CPHXL: variants seen among roughly 807,000 people sequenced by gnomAD.
CPHXL encodes cytoplasmic polyadenylated homeobox-like protein.
At chr16:75,723,398 C>A (rs1486091791) in intron 1 of CPHXL, among the ~76,000 whole-genome samples, 2 of 152,196 alleles carry the variant, frequency 1.3e-5, no homozygotes, top group Admixed American at 1.3e-4. Flanking sequence ...GCAACTTCAG[C>A]AAAGTCTCAG....
At chr16:75,721,881 G>A (rs1478970185) in intron 1 of CPHXL, among the ~76,000 whole-genome samples, 3 of 152,132 alleles carry the variant, frequency 2.0e-5, no homozygotes, top group African/African-American at 7.2e-5. Context: ...AAATGTGAAA[G>A]AACAGAAATT....
In CPHXL at chr16:75,714,229, G is replaced by T; in HGVS notation, c.1213C>A (p.Leu405Ile). ...ACCCTTGTCCACTCTTCAACTTAAA[G>T]TTGCTGCATTTGGGTCCTGGGTTGC... is the stretch of plus-strand genomic sequence containing the variant. ...SEQPRTQMQQ[L>I] The change falls in exon 3 of 3, where the codon CTT becomes ATT. Residue 405 changes from leucine to isoleucine, a missense_variant. By Grantham distance (5) the Leu-to-Ile change is conservative. Coordinates refer to ENST00000640559, the MANE Select transcript of CPHXL (RefSeq NM_001355613.1). The T allele has an allele frequency of 2.5e-6, 1 of 398,658 alleles. No individual in the cohort carries two copies. The highest frequency in any genetic ancestry group is 4.4e-6 in the Non-Finnish European group (1 of 226,118). The allele number at this position is 398,658 out of a possible 1,614,324, so 24.7% of individuals were successfully genotyped here.
intron 1 of CPHXL, among the ~76,000 whole-genome samples, chr16:75,723,375 C>T (rs1959505499): frequency 6.6e-6 from 1 of 152,006 alleles, no homozygotes; most frequent in African/African-American, 2.4e-5. Context: ...CCAAAATCTC[C>T]TTAAGCTGAT....
chr16:75,718,898 G>A (rs1182179027), intron 1 of CPHXL, among the ~76,000 whole-genome samples: 4 of 152,142 alleles, frequency 2.6e-5, no homozygotes, highest in Non-Finnish European at 4.4e-5. Context: ...GGTAAAACAG[G>A]AAAAACTGAT....
intron 2 of CPHXL, among the ~76,000 whole-genome samples, chr16:75,716,741 G>A (rs1214744600): frequency 1.3e-5 from 2 of 152,188 alleles, no homozygotes; most frequent in African/African-American, 4.8e-5. Flanking sequence ...GGAGGGTGGG[G>A]TTGAAAGTCT....
chr16:75,719,483 C>T lies in CPHXL; in HGVS notation c.26-1025G>A, dbSNP rs142081257. Among the ~76,000 whole-genome samples the T allele has an allele frequency of 2.9e-3, 437 of 152,136 alleles. 1 individual carries two copies. Among genetic ancestry groups the T allele is most frequent in the African/African-American group, 9.6e-3 (398 of 41,522 alleles). The stretch of plus-strand genomic sequence containing the variant: ...GCTGCGCCTGGCTCAGAGGGTCCTA[C>T]GCCCATGGAGCCTCGCTCACTGCTA... On this transcript the variant is annotated intron_variant, in intron 1 of 2. Coordinates refer to ENST00000640559, the MANE Select transcript of CPHXL (RefSeq NM_001355613.1).
intron 1 of CPHXL, among the ~76,000 whole-genome samples, chr16:75,724,819 T>C (rs1049126867): frequency 6.6e-6 from 1 of 152,168 alleles, no homozygotes; most frequent in African/African-American, 2.4e-5. Flanking sequence ...TAAAGACACA[T>C]GCACACGTAT....
At chr16:75,722,856 A>G (rs1284762243) in intron 1 of CPHXL, among the ~76,000 whole-genome samples, 2 of 152,198 alleles carry the variant, frequency 1.3e-5, no homozygotes, top group Non-Finnish European at 2.9e-5. Context: ...CCTCAATAAA[A>G]TACTAGCAAA....
At chr16:75,726,387 A>G in intron 1 of CPHXL, 31 bp downstream of exon 1, 2 of 398,636 alleles carry the variant, frequency 5.0e-6, no homozygotes, top group Non-Finnish European at 4.4e-6. Context: ...GGGAAGTAGC[A>G]TTGTAAGAGA....
At chr16:75,724,946 T>TA in intron 1 of CPHXL, among the ~76,000 whole-genome samples, 1 of 152,218 alleles carries the variant, frequency 6.6e-6, no homozygotes. Context: ...TATGCAGCCA[T>TA]AAAAAATGAT....
Position 75,715,117 on chromosome 16 carries a change from T to C in CPHXL, c.325A>G (p.Ser109Gly). The change falls in exon 3 of 3, where the codon AGC (serine) becomes GGC (glycine). Residue 109 changes from serine to glycine, a missense_variant. Physicochemically the swap from Ser to Gly is moderately conservative, Grantham distance 56. Coordinates refer to ENST00000640559, the MANE Select transcript of CPHXL (RefSeq NM_001355613.1). Reference sequence around the variant, plus strand: ...GCTGCAGCCTGGGTCTCCTGGCAGCTTAAAAATGAATGGGCTTGGACTGGA... The same window carrying C: ...GCTGCAGCCTGGGTCTCCTGGCAGCCTAAAAATGAATGGGCTTGGACTGGA... ...DFPVQAHSFL[S>G]CQETQAAAHN... The C allele has an allele frequency of 2.5e-6, 1 of 398,950 alleles. No homozygotes were observed. Among genetic ancestry groups the C allele is most frequent in the Non-Finnish European group, 4.4e-6 (1 of 226,160 alleles). 24.7% of individuals were successfully genotyped at this position (398,950 alleles called of 1,614,324 possible).
chr16:75,718,579 G>A (rs141924596), intron 1 of CPHXL, 121 bp from the exon 2 acceptor site: 19 of 394,848 alleles, frequency 4.8e-5, no homozygotes, highest in African/African-American at 1.2e-4. Flanking sequence ...TGAAATCCAC[G>A]TGTGACCTCA....
intron 1 of CPHXL, among the ~76,000 whole-genome samples, chr16:75,722,314 G>C (rs1959489622): frequency 6.6e-6 from 1 of 152,042 alleles, no homozygotes; most frequent in Non-Finnish European, 1.5e-5. Context: ...AATGAATCCA[G>C]GACCTGGCTT....
At position 75,714,145 on chromosome 16, in the gene CPHXL, G is replaced by A. The variant is rs1959356035; in HGVS notation, c.*79C>T. 7 of 398,214 alleles carry A rather than the reference G, an allele frequency of 1.8e-5. No individual in the cohort carries two copies. In the East Asian group the frequency reaches 2.5e-4, roughly 14 times the overall value. 24.7% of individuals were successfully genotyped at this position (398,214 alleles called of 1,614,324 possible). ...GTGACTGTGGGCCTGACCTGCGACT[G>A]TGTTTCTCTGACACTTAGCACTACT... On this transcript the variant is annotated 3_prime_UTR_variant, in exon 3 of 3. Coordinates refer to ENST00000640559, the MANE Select transcript of CPHXL (RefSeq NM_001355613.1).
Position 75,714,341 on chromosome 16 carries a change from G to A in CPHXL, c.1101C>T (p.Cys367=). ...QLPQNNGKPL[C]SQLQHMSLQI... ...GGAGAGACATGTGCTGCAGTTGAGA[G>A]CACAACGGCTTTCCATTATTCTGAG... The change falls in exon 3 of 3, where the codon TGC becomes TGT. Residue 367 remains cysteine (C), a synonymous_variant. Transcript: ENST00000640559. 5.0e-6 allele frequency: 2 copies of A among 398,622 alleles called. No homozygotes were observed. The highest frequency in any genetic ancestry group is 8.8e-6 in the Non-Finnish European group (2 of 226,082). The allele number at this position is 398,622 out of a possible 1,614,324, so 24.7% of individuals were successfully genotyped here.
chr16:75,717,854 C>G (rs1180793798), intron 2 of CPHXL, among the ~76,000 whole-genome samples: 1 of 152,156 alleles, frequency 6.6e-6, no homozygotes, highest in Non-Finnish European at 1.5e-5. Flanking sequence ...TTGCACTTTC[C>G]CATTTCTTCG....
chr16:75,718,185 A>G (rs962898083), intron 2 of CPHXL, 80 bp downstream of exon 2: 1 of 396,392 alleles, frequency 2.5e-6, no homozygotes, highest in Non-Finnish European at 4.4e-6. Flanking sequence ...GCCACTGTGC[A>G]TCTGCCTGTG....
intron 2 of CPHXL, among the ~76,000 whole-genome samples, chr16:75,715,496 A>T (rs1363900212): frequency 6.6e-6 from 1 of 152,132 alleles, no homozygotes; most frequent in Non-Finnish European, 1.5e-5. Context: ...GGCTTCCCAG[A>T]ATCTCTCCCC....
chr16:75,715,259 CT>C (rs1190067335), intron 2 of CPHXL, 37 bp from the exon 3 acceptor site: 7 of 398,562 alleles, frequency 1.8e-5, no homozygotes, highest in African/African-American at 8.2e-5. Flanking sequence ...ATTGACTCTA[CT>C]TATCTGAATA....
Sources: allele counts gnomAD v4.1 joint callset (sites outside exome capture counted in the v4.1 genomes callset), GRCh38; gene constraint gnomAD v4.1.1; transcripts MANE v1.5; gene names NCBI Gene and HGNC (gene_info 2026-07-23, HGNC 2026-07-21).